ZPBP: variants seen among roughly 807,000 people sequenced by gnomAD.
The protein encoded by ZPBP is zona pellucida binding protein, also known as zona pellucida-binding protein 1.
Under a neutral mutation model 44.8 loss-of-function variants are expected in ZPBP, and 26 were observed. The observed-to-expected ratio is 0.58, with a 90% CI of 0.43 to 0.81. The LOEUF (loss-of-function observed/expected upper bound fraction) is 0.81. ZPBP is among the 30% of genes least tolerant of loss of function. The pLI, the probability that ZPBP is intolerant of heterozygous loss-of-function variation, is 0.00. For synonymous variants in ZPBP, 174 were observed against 153.2 expected (o/e 1.14, Z -1.00); for missense variants, 409 against 434.0 (o/e 0.94, Z 0.51).
chr7:49,974,626 A>C (rs1192310671), intron 7 of ZPBP, among the ~76,000 whole-genome samples: 3 of 152,102 alleles, frequency 2.0e-5, no homozygotes, highest in Admixed American at 2.0e-4. Flanking sequence ...TATAATCAAT[A>C]AATATAGAAT....
At chr7:49,856,006 T>C (rs989675727) in intron 2 of ZPBP, among the ~76,000 whole-genome samples, 3 of 152,156 alleles carry the variant, frequency 2.0e-5, no homozygotes, top group African/African-American at 4.8e-5. Flanking sequence ...TGCAACCTGA[T>C]TGAGAAATGC....
intron 4 of ZPBP, among the ~76,000 whole-genome samples, chr7:50,057,426 TGCC>T (rs1157926687): frequency 3.3e-5 from 5 of 152,178 alleles, no homozygotes; most frequent in African/African-American, 1.2e-4. Flanking sequence ...TAAGAGTGTG[TGCC>T]TCTGACCTAA....
At chr7:49,968,623 T>C (rs1220911327) in intron 7 of ZPBP, among the ~76,000 whole-genome samples, 2 of 152,066 alleles carry the variant, frequency 1.3e-5, no homozygotes, top group African/African-American at 2.4e-5. Context: ...TGTAGCAATA[T>C]CTACTAAAGC....
chr7:49,980,739 G>A (rs114773813), intron 7 of ZPBP, among the ~76,000 whole-genome samples: 2,201 of 152,044 alleles, frequency 0.014, 33 homozygotes, highest in African/African-American at 0.05. Context: ...CTGCTCCCAC[G>A]ACCCGAACCT....
At chr7:49,936,576 A>G (rs899322432), downstream of ZPBP, among the ~76,000 whole-genome samples, 1 of 152,220 alleles carries the variant, frequency 6.6e-6, no homozygotes, top group African/African-American at 2.4e-5. Flanking sequence ...GGAAATATGA[A>G]GAGCAAAACA....
chr7:49,954,682 A>T (rs1795494599), intron 7 of ZPBP, among the ~76,000 whole-genome samples: 1 of 152,200 alleles, frequency 6.6e-6, no homozygotes, highest in South Asian at 2.1e-4. Context: ...ATCAGGAAAA[A>T]ATAGCAATTC....
intron 7 of ZPBP, among the ~76,000 whole-genome samples, chr7:49,958,178 T>C (rs764434254): frequency 2.0e-5 from 3 of 152,158 alleles, no homozygotes; most frequent in Non-Finnish European, 4.4e-5. Flanking sequence ...GGAGGGAAAT[T>C]TGCCTCAGGA....
At chr7:50,087,526 G>A (rs1181946601) in intron 2 of ZPBP, among the ~76,000 whole-genome samples, 1 of 151,810 alleles carries the variant, frequency 6.6e-6, no homozygotes, top group Non-Finnish European at 1.5e-5. Flanking sequence ...CTGATAAAGG[G>A]CATCTACAAA....
chr7:49,906,931 T>TA (rs938830935), intron 1 of ZPBP, among the ~76,000 whole-genome samples: 26 of 151,378 alleles, frequency 1.7e-4, no homozygotes, highest in South Asian at 8.3e-4. Context: ...AAGCAGATGA[T>TA]AAAAAAAAAT....
intron 1 of ZPBP, among the ~76,000 whole-genome samples, chr7:49,930,117 G>A (rs1794396651): frequency 6.6e-6 from 1 of 152,104 alleles, no homozygotes; most frequent in Admixed American, 6.5e-5. Flanking sequence ...GAGCCTGGAG[G>A]CATAAGAGCA....
intron 1 of ZPBP, among the ~76,000 whole-genome samples, chr7:49,904,659 AC>A (rs1327135327): frequency 6.6e-6 from 1 of 152,056 alleles, no homozygotes; most frequent in Non-Finnish European, 1.5e-5. Flanking sequence ...AAAAGAACTT[AC>A]CTATTACAAG....
At chr7:50,086,925 A>C (rs1015021039) in intron 2 of ZPBP, among the ~76,000 whole-genome samples, 7 of 152,106 alleles carry the variant, frequency 4.6e-5, no homozygotes, top group African/African-American at 1.7e-4. Flanking sequence ...ACAAGGAGAT[A>C]ATCTTGACAG....
At chr7:49,852,352 A>G (rs1469795802) in intron 2 of ZPBP, among the ~76,000 whole-genome samples, 1 of 152,214 alleles carries the variant, frequency 6.6e-6, no homozygotes, top group Non-Finnish European at 1.5e-5. Flanking sequence ...TTCAAAGAAG[A>G]GGCCTGGCAG....
At chr7:49,984,556 G>C (rs1370235891) in intron 6 of ZPBP, among the ~76,000 whole-genome samples, 1 of 152,090 alleles carries the variant, frequency 6.6e-6, no homozygotes, top group Non-Finnish European at 1.5e-5. Context: ...TTCTCATAAG[G>C]AGCGTGCCAC....
chr7:49,905,661 C>A, intron 1 of ZPBP, among the ~76,000 whole-genome samples: 1 of 152,136 alleles, frequency 6.6e-6, no homozygotes, highest in East Asian at 1.9e-4. Flanking sequence ...GTGTTTGAAC[C>A]AGAGCCACTC....
chr7:49,882,864 TTTGTTGTTG>T (rs201572339), intron 2 of ZPBP, among the ~76,000 whole-genome samples: 4 of 151,902 alleles, frequency 2.6e-5, no homozygotes, highest in African/African-American at 4.8e-5. Context: ...TTTTTTTGTT[TTTGTTGTTG>T]TTGTTGTTGT....
At chr7:50,050,808 A>C (rs1437532122) in intron 4 of ZPBP, among the ~76,000 whole-genome samples, 35 of 150,156 alleles carry the variant, frequency 2.3e-4, no homozygotes, top group African/African-American at 8.0e-4. Flanking sequence ...AAAAAAAAAA[A>C]AAAAAACCTA....
chr7:50,007,677 C>A (rs1798367176), intron 6 of ZPBP, among the ~76,000 whole-genome samples: 1 of 151,862 alleles, frequency 6.6e-6, no homozygotes, highest in Admixed American at 6.6e-5. Flanking sequence ...TGATTGTACA[C>A]CATGACCAAG....
At chr7:49,888,849 T>A (rs1488083536) in intron 2 of ZPBP, among the ~76,000 whole-genome samples, 17 of 151,854 alleles carry the variant, frequency 1.1e-4, no homozygotes, top group Non-Finnish European at 1.5e-5. Context: ...AGGCGGAGGT[T>A]GCAGTGAGCT....
Sources: allele counts gnomAD v4.1 joint callset (sites outside exome capture counted in the v4.1 genomes callset), GRCh38; gene constraint gnomAD v4.1.1; transcripts MANE v1.5; gene names NCBI Gene and HGNC (gene_info 2026-07-23, HGNC 2026-07-21).